Variants in SCARB1 observed in about 807,000 individuals in gnomAD.
SCARB1 encodes CD36 and LIMPII analogous 1.
SCARB1 carries 30 observed loss-of-function variants against 57.2 expected under a neutral mutation model. The ratio of observed to expected loss-of-function variants is 0.52; its 90% CI spans 0.39 to 0.71. The LOEUF is 0.71. Among genes scored for constraint, SCARB1 ranks in the 30% least tolerant of loss-of-function variants. The probability of loss-of-function intolerance (pLI) is 0.00; values close to 1 mark genes in which losing one functional copy is unlikely to be tolerated. For missense variants in SCARB1, 543 were observed against 671.2 expected, an observed-to-expected ratio of 0.81 and a Z score of 2.11; for synonymous variants, 249 against 268.3, an observed-to-expected ratio of 0.93 and a Z score of 0.70.
chr12:124,856,052 G>A (rs1156892069), intron 1 of SCARB1, among the ~76,000 whole-genome samples: 2 of 152,242 alleles, frequency 1.3e-5, no homozygotes, highest in African/African-American at 2.4e-5. Flanking sequence ...GCATCTCCCG[G>A]CGGAGGCACA....
chr12:124,827,812 C>G (rs1434880249), intron 1 of SCARB1, among the ~76,000 whole-genome samples: 1 of 152,146 alleles, frequency 6.6e-6, no homozygotes, highest in Non-Finnish European at 1.5e-5. Context: ...CCCGACCTGC[C>G]GTGTTGTTTC....
At chr12:124,844,978 G>A (rs1952081635) in intron 1 of SCARB1, among the ~76,000 whole-genome samples, 1 of 151,966 alleles carries the variant, frequency 6.6e-6, no homozygotes, top group Admixed American at 6.6e-5. Flanking sequence ...AGCAGCAGGA[G>A]GCAGGGCCGG....
In SCARB1 at chr12:124,796,004, TACTC is replaced by T. The variant is rs1264473135; in HGVS notation, c.1129-740_1129-737del. On this transcript the variant is annotated intron_variant, in intron 8 of 12. Coordinates refer to ENST00000261693, the MANE Select transcript of SCARB1 (RefSeq NM_005505.5). The surrounding 1 kb of genome is among the most constrained non-coding windows in gnomAD (Gnocchi z 4.0). ...TTTATTTCTTTTTGAGACAGAGTCT[TACTC>T]AGTCATCTAGGCTGGAGTGCAGGCA... Among the ~76,000 whole-genome samples, 2 of 152,360 alleles carry T rather than the reference TACTC, an allele frequency of 1.3e-5. No individual in the cohort carries two copies. The highest frequency in any genetic ancestry group is 3.9e-4 in the East Asian group (2 of 5,192).
At chr12:124,839,522 G>A (rs146583192) in intron 1 of SCARB1, 4 of 684,252 alleles carry the variant, frequency 5.8e-6, no homozygotes, top group Non-Finnish European at 7.2e-6. Context: ...GCGGTGGCCA[G>A]ATTCCTCTTC....
At chr12:124,784,880 T>G (rs1949455269) in intron 11 of SCARB1, 1 of 152,432 alleles carries the variant, frequency 6.6e-6, no homozygotes, top group Non-Finnish European at 1.5e-5. Context: ...TTCGTGTGAC[T>G]GTAGTAACTT....
chr12:124,799,247 G>A (rs966105249), intron 8 of SCARB1, among the ~76,000 whole-genome samples: 1 of 152,136 alleles, frequency 6.6e-6, no homozygotes, highest in African/African-American at 2.4e-5. Flanking sequence ...AATTTTGGCT[G>A]GGCACGGCGG....
At chr12:124,852,197 C>T (rs1024637131) in intron 1 of SCARB1, among the ~76,000 whole-genome samples, 1 of 152,216 alleles carries the variant, frequency 6.6e-6, no homozygotes, top group African/African-American at 2.4e-5. Flanking sequence ...CGCATCCCTT[C>T]CTTCTGGCTA....
chr12:124,855,714 G>C (rs1264408726), intron 1 of SCARB1, among the ~76,000 whole-genome samples: 1 of 152,208 alleles, frequency 6.6e-6, no homozygotes, highest in Non-Finnish European at 1.5e-5. Flanking sequence ...CTCCTCCACA[G>C]AATCCTCCAG....
intron 1 of SCARB1, among the ~76,000 whole-genome samples, chr12:124,832,694 T>C (rs1951456369): frequency 6.6e-6 from 1 of 152,186 alleles, no homozygotes; most frequent in Admixed American, 6.5e-5. Context: ...GGTCTTTTTG[T>C]AAAAACACTG....
At chr12:124,830,669 C>A (rs777994289) in intron 1 of SCARB1, among the ~76,000 whole-genome samples, 5 of 150,804 alleles carry the variant, frequency 3.3e-5, no homozygotes, top group African/African-American at 4.9e-5. Flanking sequence ...GGGAGGGGTG[C>A]GGGGGAGGCG....
chr12:124,794,720 C>T (rs953766281), intron 9 of SCARB1, among the ~76,000 whole-genome samples: 2 of 152,138 alleles, frequency 1.3e-5, no homozygotes, highest in African/African-American at 4.8e-5. Flanking sequence ...CACTTGAGGC[C>T]AGGAGTTTGA....
chr12:124,819,118 A>G (rs1250171033), intron 1 of SCARB1, among the ~76,000 whole-genome samples: 1 of 129,228 alleles, frequency 7.7e-6, no homozygotes, highest in Non-Finnish European at 1.7e-5. Flanking sequence ...TCCAAGCAAC[A>G]CCCTGTCTCA....
intron 1 of SCARB1, among the ~76,000 whole-genome samples, chr12:124,823,325 C>T (rs6416292): frequency 6.6e-6 from 1 of 152,222 alleles, no homozygotes; most frequent in East Asian, 1.9e-4. Flanking sequence ...AATGGGCAAA[C>T]GACTTGAAAA....
chr12:124,800,232 C>G lies in SCARB1; in HGVS notation c.1020G>C (p.Leu340Phe). The G allele has an allele frequency of 6.2e-7, 1 of 1,612,780 alleles. No homozygotes were observed. The highest frequency in any genetic ancestry group is 8.5e-7 in the Non-Finnish European group (1 of 1,178,846). The change falls in exon 8 of 13, where the codon TTG becomes TTC. Residue 340 changes from leucine (L) to phenylalanine (F), a missense_variant. Physicochemically the swap from Leu to Phe is conservative, Grantham distance 22 (BLOSUM62 0). Coordinates refer to ENST00000261693, the MANE Select transcript of SCARB1 (RefSeq NM_005505.5). This position sits in a 1 kb window ranked among gnomAD's most constrained non-coding sequence, Gnocchi z 4.8. ...TGAGGAAGTGAGGATGGGAGAGAAA[C>G]AAGGGGGCACCTAGAAGAGGGGCAG... ...NVSTCRFSAP[L>F]FLSHPHFLNA... is the part of the protein sequence containing the mutation.
intron 1 of SCARB1, among the ~76,000 whole-genome samples, chr12:124,850,703 C>G (rs548842091): frequency 1.3e-5 from 2 of 152,316 alleles, no homozygotes; most frequent in East Asian, 3.9e-4. Context: ...TAAGTAAATA[C>G]ATACATAATA....
chr12:124,800,689 G>A lies in SCARB1; in HGVS notation c.1010-447C>T, dbSNP rs1950097762. 6.6e-6 allele frequency among the ~76,000 whole-genome samples: 1 copy of A among 152,164 alleles called. No individual in the cohort carries two copies. Among genetic ancestry groups the A allele is most frequent in the Non-Finnish European group, 1.5e-5 (1 of 68,004 alleles). On this transcript the variant is annotated intron_variant, in intron 7 of 12. Transcript: ENST00000261693. This position sits in a 1 kb window ranked among gnomAD's most constrained non-coding sequence, Gnocchi z 4.8. ...AAGCGCAAGCCAAGCAGCCCACACT[G>A]TCCCCTGCAGGACACGCAGCAATGA...
At position 124,787,396 on chromosome 12, in the gene SCARB1, G is replaced by A. The variant is rs757830297; in HGVS notation, c.1254+10C>T. On this transcript the variant is annotated intron_variant, in intron 10 of 12. Transcript: ENST00000261693. The stretch of plus-strand genomic sequence containing the variant: ...AAAAGCCCCCGACGCTGTGCCCAAC[G>A]CACCCTTACCTCTGCAAACCAGAGC... 61 of 1,613,000 alleles carry A rather than the reference G, an allele frequency of 3.8e-5. No individual in the cohort carries two copies. Among genetic ancestry groups the A allele is most frequent in the Middle Eastern group, 1.6e-4 (1 of 6,084 alleles).
chr12:124,810,283 A>T lies in SCARB1; in HGVS notation c.733T>A (p.Phe245Ile). ...ATGTTGCACTGATCGGAATGCCAGA[A>T]GTCAACCTGGGGGGAAGCATCCAGA... is the stretch of plus-strand genomic sequence containing the variant. ...DKWNGLSKVD[F>I]WHSDQCNMIN... is the part of the protein sequence containing the mutation. The change falls in exon 6 of 13, where the codon TTC becomes ATC. Residue 245 changes from phenylalanine to isoleucine, a missense_variant. Phe to Ile is a conservative substitution (Grantham distance 21). Coordinates refer to ENST00000261693, the MANE Select transcript of SCARB1 (RefSeq NM_005505.5). The surrounding 1 kb of genome is among the most constrained non-coding windows in gnomAD (Gnocchi z 4.0). The T allele has an allele frequency of 1.2e-6, 2 of 1,613,004 alleles. No individual in the cohort carries two copies. The highest frequency in any genetic ancestry group is 1.7e-6 in the Non-Finnish European group (2 of 1,178,984).
chr12:124,835,280 A>G, intron 1 of SCARB1, among the ~76,000 whole-genome samples: 1 of 151,314 alleles, frequency 6.6e-6, no homozygotes, highest in East Asian at 1.9e-4. Context: ...TTTTTAAGAG[A>G]CAGGGTCTTG....
Sources: gnomAD v4.1 joint callset for allele counts (sites outside exome capture counted in the v4.1 genomes callset) on GRCh38, gnomAD v4.1.1 for gene constraint, Gnocchi (gnomAD v3.1) non-coding constraint, MANE v1.5 for transcripts, NCBI Gene and HGNC (gene_info 2026-07-23, HGNC 2026-07-21) for gene names.